The following STARD8 variants were observed in gnomAD, a reference collection of about 807,000 sequenced individuals.
STARD8 encodes StAR related lipid transfer domain containing 8, also known as stAR-related lipid transfer protein 8.
Under a neutral mutation model 69.4 loss-of-function variants are expected in STARD8, and 25 were observed. The ratio of observed to expected loss-of-function variants is 0.36; its 90% CI spans 0.26 to 0.50. The LOEUF is 0.50. Ranked by LOEUF, STARD8 falls within the 20% of genes least tolerant of loss-of-function variation. STARD8 has a pLI of 0.96. For missense variants in STARD8, 921 were observed against 932.5 expected (o/e 0.99, Z 0.16); for synonymous variants, 389 against 374.6 (o/e 1.04, Z -0.45).
intron 3 of STARD8, among the ~76,000 whole-genome samples, chrX:68,714,005 C>T (rs2080072487): frequency 8.9e-6 from 1 of 112,058 alleles, no homozygotes; most frequent in Admixed American, 9.4e-5. Context: ...TCTAACCCTT[C>T]AGCAAGACCT....
At chrX:68,691,846 T>C (rs965230185) in intron 2 of STARD8, among the ~76,000 whole-genome samples, 1 of 112,650 alleles carries the variant, frequency 8.9e-6, no homozygotes, top group Non-Finnish European at 1.9e-5. Flanking sequence ...AAAGATAAGT[T>C]GACTTTGCTC....
Position 68,717,296 on chromosome X carries a change from G to T in STARD8, c.382G>T (p.Gly128Trp). 8.3e-7 allele frequency: 1 copy of T among 1,205,958 alleles called. No individual in the cohort carries two copies. The highest frequency in any genetic ancestry group is 3.0e-5 in the East Asian group (1 of 33,627). ...QQESKCWSPMGSSDLLAPPSP... is the reference protein window; with the variant it reads ...QQESKCWSPMWSSDLLAPPSP... ...GGAAAGTAAGTGCTGGTCTCCTATGGGGTCCTCTGATCTGTTGGCCCCACC... is the reference window on the plus strand; with the variant it reads ...GGAAAGTAAGTGCTGGTCTCCTATGTGGTCCTCTGATCTGTTGGCCCCACC... The change falls in exon 6 of 15, where the codon GGG becomes TGG. Residue 128 changes from glycine (G) to tryptophan (W), a missense_variant. Physicochemically the swap from Gly to Trp is radical, Grantham distance 184 (BLOSUM62 -2). Transcript: ENST00000374599.
At chrX:68,704,476 A>C (rs776982185) in intron 2 of STARD8, among the ~76,000 whole-genome samples, 2 of 110,864 alleles carry the variant, frequency 1.8e-5, no homozygotes, top group Non-Finnish European at 3.8e-5. Context: ...GGCCCCTTGA[A>C]AGGAGAGGCT....
At chrX:68,687,936 G>A (rs1230794250) in intron 2 of STARD8, among the ~76,000 whole-genome samples, 2 of 112,603 alleles carry the variant, frequency 1.8e-5, no homozygotes, top group African/African-American at 6.5e-5. Context: ...GGGAGCTCCA[G>A]GAAGGCAGGT....
At chrX:68,715,467 G>GGTACA in intron 4 of STARD8, 92 bp downstream of exon 4, 2 of 746,456 alleles carry the variant, frequency 2.7e-6, no homozygotes, top group Non-Finnish European at 3.8e-6. Flanking sequence ...TCTAACAGAG[G>GGTACA]AGGAGCCCAG....
chrX:68,668,061 CTTTCTTT>C (rs1569355296), intron 2 of STARD8, among the ~76,000 whole-genome samples: 4 of 50,764 alleles, frequency 7.9e-5, no homozygotes, highest in African/African-American at 3.3e-4. Flanking sequence ...TCTTTCTTTT[CTTTCTTT>C]CTTTCTTTCT....
chrX:68,720,950 C>G lies in STARD8; in HGVS notation c.2076C>G (p.Val692=). The part of the protein sequence containing the change: ...DQVGIFRKSG[V]KSRIQNLRQM... ...TAGGCATCTTCCGCAAGTCTGGGGT[C>G]AAGTCCAGGATCCAGAACCTGCGTC... Residue 692 remains valine, a synonymous_variant, in exon 9 of 15, where the codon GTC becomes GTG. Coordinates refer to ENST00000374599, the MANE Select transcript of STARD8 (RefSeq NM_001142503.3). 8.3e-7 allele frequency: 1 copy of G among 1,211,480 alleles called. No homozygotes were observed. The highest frequency in any genetic ancestry group is 1.8e-5 in the South Asian group (1 of 56,889).
In STARD8 at chrX:68,724,493, C is replaced by T. The variant is rs1193153902; in HGVS notation, c.*71C>T. The T allele has an allele frequency of 4.2e-6, 4 of 944,901 alleles. No individual in the cohort carries two copies. Among genetic ancestry groups the T allele is most frequent in the Non-Finnish European group, 5.9e-6 (4 of 677,481 alleles). The allele number at this position is 944,901 out of a possible 1,213,427, so 77.9% of individuals were successfully genotyped here. On this transcript the variant is annotated 3_prime_UTR_variant, in exon 15 of 15. Coordinates refer to ENST00000374599, the MANE Select transcript of STARD8 (RefSeq NM_001142503.3). The stretch of plus-strand genomic sequence containing the variant: ...CCAAGGGAGCGAGGGGGAATAAGAG[C>T]AGGGCAGCCCCCTGGGTGCCGCTGT...
intron 1 of STARD8, among the ~76,000 whole-genome samples, chrX:68,653,563 C>CA: frequency 1.6e-5 from 1 of 62,604 alleles, no homozygotes; most frequent in South Asian, 8.7e-4. Flanking sequence ...CACACATACA[C>CA]CACACACACA....
chrX:68,716,937 T>C lies in STARD8; in HGVS notation c.298-275T>C, dbSNP rs747528044. On this transcript the variant is annotated intron_variant, in intron 5 of 14. Coordinates refer to ENST00000374599, the MANE Select transcript of STARD8 (RefSeq NM_001142503.3). ...TCATTGACCTTGGGCAAGTGGCTTCTGGTTTGTAGGTTTGTTTTCCTATCT... is the reference window on the plus strand; with the variant it reads ...TCATTGACCTTGGGCAAGTGGCTTCCGGTTTGTAGGTTTGTTTTCCTATCT... 3.6e-5 allele frequency among the ~76,000 whole-genome samples: 4 copies of C among 112,330 alleles called. No homozygotes were observed. The South Asian group carries it at 1.5e-3, about 42-fold the overall frequency.
At chrX:68,652,851 A>T in intron 1 of STARD8, among the ~76,000 whole-genome samples, 1 of 3,545 alleles carries the variant, frequency 2.8e-4, no homozygotes, top group African/African-American at 1.1e-3. Context: ...ACCCCCACAC[A>T]CCACACCACA....
intron 2 of STARD8, among the ~76,000 whole-genome samples, chrX:68,689,907 C>T (rs958307763): frequency 1.8e-5 from 2 of 110,737 alleles, no homozygotes; most frequent in African/African-American, 6.6e-5. Context: ...CTCCCCACCA[C>T]TGTATTCCCT....
At chrX:68,676,286 G>A (rs2079764876) in intron 2 of STARD8, among the ~76,000 whole-genome samples, 1 of 112,014 alleles carries the variant, frequency 8.9e-6, no homozygotes. Context: ...GAAAATCTCA[G>A]AGCAAGCCAA....
intron 2 of STARD8, among the ~76,000 whole-genome samples, chrX:68,669,841 C>T (rs114259472): frequency 0.031 from 3,452 of 112,160 alleles, 137 homozygotes; most frequent in African/African-American, 0.11. Flanking sequence ...TGTCTGTCAC[C>T]TCCAAGGCTC....
At chrX:68,684,435 G>A (rs780726236) in intron 2 of STARD8, among the ~76,000 whole-genome samples, 7 of 112,924 alleles carry the variant, frequency 6.2e-5, no homozygotes, top group East Asian at 2.8e-4. Context: ...GACTGCTGCC[G>A]CCCTTCCTTC....
Position 68,721,714 on chromosome X carries a change from C to T in STARD8, c.2427C>T (p.Leu809=). 1 of 1,212,092 alleles carries T rather than the reference C, an allele frequency of 8.3e-7. No individual in the cohort carries two copies. The highest frequency in any genetic ancestry group is 1.1e-6 in the Non-Finnish European group (1 of 895,497). ...GCCTGGCGCCCTCCATCTTCCACCT[C>T]AATGTCTCTAAGAAGGATAGCCCCT... ...AVCLAPSIFH[L]NVSKKDSPSP... is the part of the protein sequence containing the mutation. Residue 809 remains leucine (L), a synonymous_variant, in exon 10 of 15, where the codon CTC becomes CTT. Transcript: ENST00000374599.
intron 2 of STARD8, among the ~76,000 whole-genome samples, chrX:68,695,213 G>T (rs757755522): frequency 1.8e-5 from 2 of 110,284 alleles, no homozygotes; most frequent in East Asian, 2.9e-4. Flanking sequence ...GCATGGAGAA[G>T]AAGGCTGCAG....
chrX:68,675,954 T>C (rs911442588), intron 2 of STARD8, among the ~76,000 whole-genome samples: 3 of 111,991 alleles, frequency 2.7e-5, no homozygotes, highest in Non-Finnish European at 5.6e-5. Flanking sequence ...TCCTTTTTCC[T>C]CTCTGGGCCC....
At chrX:68,667,267 C>A (rs1460237542) in intron 2 of STARD8, among the ~76,000 whole-genome samples, 1 of 112,030 alleles carries the variant, frequency 8.9e-6, no homozygotes, top group Non-Finnish European at 1.9e-5. Context: ...AATCAAAGCA[C>A]CTGGATTTTA....
Sources: gnomAD v4.1 joint callset for allele counts (sites outside exome capture counted in the v4.1 genomes callset) on GRCh38, gnomAD v4.1.1 for gene constraint, MANE v1.5 for transcripts, NCBI Gene and HGNC (gene_info 2026-07-23, HGNC 2026-07-21) for gene names.